The following NTM variants were observed in gnomAD, a reference collection of about 807,000 sequenced individuals.
NTM encodes the protein IgLON family member 2.
Under a neutral mutation model 42.1 loss-of-function variants are expected in NTM, and 13 were observed. That is an observed-to-expected ratio of 0.31 (90% CI 0.20 to 0.49). The LOEUF (loss-of-function observed/expected upper bound fraction) is 0.49. Ranked by LOEUF, NTM falls within the 20% of genes least tolerant of loss-of-function variation. The probability of loss-of-function intolerance (pLI) is 0.99; values close to 1 mark genes in which losing one functional copy is unlikely to be tolerated. For missense variants in NTM, 373 were observed against 452.8 expected (o/e 0.82, Z 1.60); for synonymous variants, 187 against 179.2 (o/e 1.04, Z -0.35).
At chr11:131,737,039 G>A (rs935037385) in intron 1 of NTM, among the ~76,000 whole-genome samples, 1 of 152,188 alleles carries the variant, frequency 6.6e-6, no homozygotes, top group Non-Finnish European at 1.5e-5. Context: ...AGGCATGGCG[G>A]TGCTGTACAT....
At chr11:131,535,836 C>T (rs114785727) in intron 1 of NTM, 1 of 152,208 alleles carries the variant, frequency 6.6e-6, no homozygotes, top group Non-Finnish European at 1.5e-5. Context: ...AGAAACCACG[C>T]CGAAAACATG....
intron 1 of NTM, among the ~76,000 whole-genome samples, chr11:131,412,467 A>G (rs1946525876): frequency 1.3e-5 from 2 of 152,244 alleles, no homozygotes; most frequent in Non-Finnish European, 2.9e-5. Context: ...TGACTCTTAT[A>G]TTCACCTGCA....
chr11:132,141,967 A>G (rs2069250929), intron 2 of NTM, among the ~76,000 whole-genome samples: 1 of 152,154 alleles, frequency 6.6e-6, no homozygotes, highest in Admixed American at 6.5e-5. Context: ...GGGCAACTGG[A>G]GGGCAACATT....
intron 1 of NTM, among the ~76,000 whole-genome samples, chr11:131,593,446 C>T (rs1333644883): frequency 6.6e-6 from 1 of 152,194 alleles, no homozygotes; most frequent in Non-Finnish European, 1.5e-5. Context: ...GACTGAGCCT[C>T]ACCAGGGTCC....
chr11:131,970,801 G>A (rs1352028169), intron 2 of NTM, among the ~76,000 whole-genome samples: 1 of 152,270 alleles, frequency 6.6e-6, no homozygotes, highest in East Asian at 1.9e-4. Context: ...CTGACAAGGG[G>A]ATCATTGATC....
intron 1 of NTM, among the ~76,000 whole-genome samples, chr11:131,814,028 T>C (rs538329087): frequency 5.4e-4 from 82 of 152,276 alleles, no homozygotes; most frequent in Non-Finnish European, 8.2e-4. Flanking sequence ...AATATTATTA[T>C]TATCTGTCAT....
intron 4 of NTM, among the ~76,000 whole-genome samples, 198 bp downstream of exon 4, chr11:132,212,345 A>G (rs1469552569): frequency 1.3e-5 from 2 of 152,182 alleles, no homozygotes; most frequent in Non-Finnish European, 2.9e-5. Context: ...TTCAGAATTC[A>G]TACCTCAGTA....
intron 1 of NTM, among the ~76,000 whole-genome samples, chr11:131,419,011 G>C (rs892871022): frequency 4.6e-5 from 7 of 152,140 alleles, no homozygotes; most frequent in Non-Finnish European, 1.5e-5. Context: ...AAGTCAGGGT[G>C]AGTCGAGCAA....
intron 1 of NTM, among the ~76,000 whole-genome samples, chr11:131,824,281 C>T (rs970303718): frequency 6.6e-6 from 1 of 152,130 alleles, no homozygotes; most frequent in Admixed American, 6.5e-5. Context: ...ATTTGTTCAG[C>T]ACATTGGAGT....
At chr11:131,576,821 G>T (rs2057979332) in intron 1 of NTM, among the ~76,000 whole-genome samples, 1 of 152,156 alleles carries the variant, frequency 6.6e-6, no homozygotes, top group African/African-American at 2.4e-5. Context: ...TCTTGGCTCT[G>T]TCAGTTTCTT....
chr11:131,526,814 A>G (rs953808656), intron 1 of NTM, among the ~76,000 whole-genome samples: 1 of 152,206 alleles, frequency 6.6e-6, no homozygotes, highest in African/African-American at 2.4e-5. Context: ...GAGCAGAGGG[A>G]AAAGTTATGT....
intron 3 of NTM, among the ~76,000 whole-genome samples, chr11:132,171,406 G>A (rs928054521): frequency 3.3e-5 from 5 of 152,222 alleles, no homozygotes; most frequent in African/African-American, 7.2e-5. Flanking sequence ...GGTGTCTGGC[G>A]TGGGCTCACT....
At position 131,373,436 on chromosome 11, in the gene NTM, T is replaced by C. The variant is rs538817735; in HGVS notation, c.82+2548T>C. ...GGTTAGGAACCCCTCCCTGACCTGC[T>C]CCTCCCCACAACCCAACCAGCAACC... On this transcript the variant is annotated intron_variant, in intron 1 of 8. Coordinates refer to ENST00000683400, the MANE Select transcript of NTM (RefSeq NM_001352005.2). 1.5e-4 allele frequency among the ~76,000 whole-genome samples: 23 copies of C among 151,912 alleles called. 1 individual carries two copies. The South Asian group carries it at 4.4e-3, about 29-fold the overall frequency.
chr11:131,691,762 G>T (rs556226217), intron 1 of NTM, among the ~76,000 whole-genome samples: 1 of 152,300 alleles, frequency 6.6e-6, no homozygotes, highest in East Asian at 1.9e-4. Context: ...GGCTGGGCTG[G>T]GCGCAGCGGT....
intron 2 of NTM, among the ~76,000 whole-genome samples, chr11:132,066,558 C>T (rs1236521343): frequency 2.0e-5 from 3 of 152,210 alleles, no homozygotes; most frequent in Non-Finnish European, 4.4e-5. Context: ...CCAAACTCAA[C>T]TTCACTGGCC....
chr11:132,134,715 A>C (rs1200626817), intron 2 of NTM, among the ~76,000 whole-genome samples: 2 of 34,230 alleles, frequency 5.8e-5, no homozygotes, highest in African/African-American at 5.2e-4. Flanking sequence ...GTATATATAT[A>C]TATATATATA....
At chr11:131,687,421 A>C (rs2074028753) in intron 1 of NTM, among the ~76,000 whole-genome samples, 1 of 151,962 alleles carries the variant, frequency 6.6e-6, no homozygotes, top group Admixed American at 6.5e-5. Flanking sequence ...AAGGTTTGCG[A>C]CCCGCTGTGG....
chr11:131,972,042 C>CAAAAAAAAAAA (rs61627120), intron 2 of NTM, among the ~76,000 whole-genome samples: 11,838 of 56,914 alleles, frequency 0.21, 2,207 homozygotes, highest in Non-Finnish European at 0.28. Context: ...GACTCCGTCT[C>CAAAAAAAAAAA]AAAAAAAAAA....
At chr11:131,418,552 T>G (rs1322634367) in intron 1 of NTM, among the ~76,000 whole-genome samples, 1 of 152,212 alleles carries the variant, frequency 6.6e-6, no homozygotes, top group Non-Finnish European at 1.5e-5. Flanking sequence ...AGCATGTGAA[T>G]GCAGAGCAAG....
Sources: allele counts gnomAD v4.1 joint callset (sites outside exome capture counted in the v4.1 genomes callset), GRCh38; gene constraint gnomAD v4.1.1; transcripts MANE v1.5; gene names NCBI Gene and HGNC (gene_info 2026-07-23, HGNC 2026-07-21).